Variants in NUP188 observed in about 807,000 individuals in gnomAD.
NUP188 encodes the protein nucleoporin 188.
Under a neutral mutation model 223.0 loss-of-function variants are expected in NUP188, and 97 were observed. That is an observed-to-expected ratio of 0.43 (90% CI 0.37 to 0.51). NUP188 has a LOEUF of 0.51. Ranked by LOEUF, NUP188 falls within the 20% of genes least tolerant of loss-of-function variation. The pLI, the probability that NUP188 is intolerant of heterozygous loss-of-function variation, is 0.00. For missense variants in NUP188, 1,947 were observed against 2,175.6 expected (o/e 0.89, Z 2.09); for synonymous variants, 869 against 828.0 (o/e 1.05, Z -0.85).
intron 37 of NUP188, 132 bp downstream of exon 37, chr9:129,003,107 C>T (rs1480745367): frequency 1.8e-6 from 2 of 1,116,076 alleles, no homozygotes; most frequent in Non-Finnish European, 2.5e-6. Context: ...TTTTGAGATG[C>T]TCTAAGTACT....
At chr9:128,990,333 T>G in intron 25 of NUP188, 107 bp downstream of exon 25, 1 of 892,130 alleles carries the variant, frequency 1.1e-6, no homozygotes, top group Non-Finnish European at 1.9e-6. Flanking sequence ...CGCCTGTATA[T>G]AATTCCAGCA....
At chr9:128,966,131 G>A (rs1335208243) in intron 8 of NUP188, among the ~76,000 whole-genome samples, 1 of 4,884 alleles carries the variant, frequency 2.0e-4, no homozygotes, top group Non-Finnish European at 6.3e-4. Flanking sequence ...CTGCCTCCGT[G>A]TGTGTGTGTG....
rs368442084 is a variant in NUP188 at position 128,990,093 on chromosome 9, T to C, written c.2534-27T>C. 23 of 1,535,596 alleles carry C rather than the reference T, an allele frequency of 1.5e-5. No individual in the cohort carries two copies. In the African/African-American group the frequency reaches 1.8e-4, roughly 12 times the overall value. On this transcript the variant is annotated intron_variant, in intron 24 of 43. Transcript: ENST00000372577. Reference sequence around the variant, plus strand: ...GGACTTGAATTAGGCACACTTGATATCTAAACTGTTTCCTGTGCTGCTTTA... The same window carrying C: ...GGACTTGAATTAGGCACACTTGATACCTAAACTGTTTCCTGTGCTGCTTTA...
Position 128,983,274 on chromosome 9 carries a change from T to C in NUP188, c.1797-19T>C, listed in dbSNP as rs749357265. The C allele has an allele frequency of 1.1e-5, 17 of 1,601,838 alleles. No homozygotes were observed. In the South Asian group the frequency reaches 1.5e-4, roughly 15 times the overall value. ...GTATTATTTGCTTTATTGAGTATAGTGTATTGTTCTCCAACCAGGTTAACG... is the reference window on the plus strand; with the variant it reads ...GTATTATTTGCTTTATTGAGTATAGCGTATTGTTCTCCAACCAGGTTAACG... On this transcript the variant is annotated intron_variant, in intron 17 of 43. Transcript: ENST00000372577.
At position 129,003,464 on chromosome 9, in the gene NUP188, C is replaced by T. The variant is rs1842713244; in HGVS notation, c.4434+10C>T. On this transcript the variant is annotated intron_variant, in intron 38 of 43. Transcript: ENST00000372577. ...CATGCGTGATATCCAGGTGGGGGCCCAAGATGGTGTCTTGGAGTCTGGGGT... is the reference window on the plus strand; with the variant it reads ...CATGCGTGATATCCAGGTGGGGGCCTAAGATGGTGTCTTGGAGTCTGGGGT... The T allele has an allele frequency of 6.2e-7, 1 of 1,607,636 alleles. No individual in the cohort carries two copies. Among genetic ancestry groups the T allele is most frequent in the East Asian group, 2.2e-5 (1 of 44,874 alleles).
chr9:128,983,448 A>G (rs370155139), intron 18 of NUP188, 26 bp from the exon 19 acceptor site: 1 of 1,613,206 alleles, frequency 6.2e-7, no homozygotes, highest in African/African-American at 1.3e-5. Flanking sequence ...ATATGTGGGC[A>G]TTTAACTCTT....
rs1393383886 is a variant in NUP188, at chr9:128,987,086, A to AGTGTGTGTGTGT, written c.2264+212_2264+213insTGTGTGTGTGTG. Among the ~76,000 whole-genome samples the AGTGTGTGTGTGT allele has an allele frequency of 3.1e-5, 4 of 128,498 alleles. No homozygotes were observed. The East Asian group carries it at 6.9e-4, about 22-fold the overall frequency. The allele number at this position is 128,498 out of a possible 152,430, so 84.3% of individuals were successfully genotyped here. A position where few individuals can be genotyped will look rare whatever the true frequency, so the allele number is the denominator to read the frequency against. On this transcript the variant is annotated intron_variant, in intron 22 of 43. Coordinates refer to ENST00000372577, the MANE Select transcript of NUP188 (RefSeq NM_015354.3). ...GAATGAGAGAGAGAGAGAGAGAGAG[A>AGTGTGTGTGTGT]GAGTGTGTGTGTGTGTGTGTGTGTG...
intron 24 of NUP188, 137 bp downstream of exon 24, chr9:128,988,323 C>T (rs1202368408): frequency 1.1e-6 from 1 of 934,138 alleles, no homozygotes; most frequent in Non-Finnish European, 1.6e-6. Flanking sequence ...GGAATGATTA[C>T]CAGCTCCTTT....
chr9:128,975,031 G>A (rs1842156429), intron 12 of NUP188, among the ~76,000 whole-genome samples: 1 of 151,980 alleles, frequency 6.6e-6, no homozygotes, highest in Admixed American at 6.6e-5. Context: ...AGAGTGCTGG[G>A]ATTATAGGTG....
chr9:129,006,422 G>C (rs2131206067), intron 43 of NUP188, 54 bp downstream of exon 43: 2 of 1,612,978 alleles, frequency 1.2e-6, no homozygotes, highest in East Asian at 2.2e-5. Flanking sequence ...GAGCCCTGTG[G>C]GGTCCTGCCT....
At chr9:128,961,693 C>G (rs1588271888) in intron 8 of NUP188, among the ~76,000 whole-genome samples, 1 of 148,396 alleles carries the variant, frequency 6.7e-6, no homozygotes, top group Non-Finnish European at 1.5e-5. Flanking sequence ...GTGATCTTGG[C>G]TCACCACAAC....
intron 8 of NUP188, among the ~76,000 whole-genome samples, chr9:128,962,925 A>T (rs1841975860): frequency 6.6e-6 from 1 of 152,222 alleles, no homozygotes; most frequent in East Asian, 1.9e-4. Context: ...ATTTTTAAGT[A>T]ACTGTGACTA....
At position 128,998,651 on chromosome 9, in the gene NUP188, C is replaced by T. The variant is rs945087878; in HGVS notation, c.3515+28C>T. The T allele has an allele frequency of 8.9e-6, 14 of 1,576,228 alleles. No individual in the cohort carries two copies. The East Asian group carries it at 1.6e-4, about 18-fold the overall frequency. ...GAGGCTGTGCCAGGAGAGGCAAGCC[C>T]GAGGCCAGAGCCTTCTTGTCAGTGC... is the stretch of plus-strand genomic sequence containing the variant. On this transcript the variant is annotated intron_variant, in intron 32 of 43. Transcript: ENST00000372577.
chr9:128,952,814 G>T lies in NUP188; in HGVS notation c.129G>T (p.Leu43Phe), dbSNP rs1316217831. The T allele has an allele frequency of 6.2e-7, 1 of 1,613,782 alleles. No individual in the cohort carries two copies. The highest frequency in any genetic ancestry group is 1.7e-5 in the Admixed American group (1 of 59,992). The change falls in exon 3 of 44, where the codon TTG (leucine) becomes TTT (phenylalanine). Residue 43 changes from leucine to phenylalanine, a missense_variant. Coordinates refer to ENST00000372577, the MANE Select transcript of NUP188 (RefSeq NM_015354.3). ...EAELNKHWRRLLEGLSYYKPP... is the reference protein window; with the variant it reads ...EAELNKHWRRFLEGLSYYKPP... Reference sequence around the variant, plus strand: ...AACTGAATAAACATTGGCGGCGATTGTTAGAGGGGCTTTCTTACTACAAAC... The same window carrying T: ...AACTGAATAAACATTGGCGGCGATTTTTAGAGGGGCTTTCTTACTACAAAC...
chr9:128,984,344 T>C (rs1280193676), intron 19 of NUP188, among the ~76,000 whole-genome samples: 1 of 152,018 alleles, frequency 6.6e-6, no homozygotes, highest in East Asian at 1.9e-4. Flanking sequence ...CAGGCTGGTC[T>C]CGAACTCCTG....
At chr9:128,995,760 G>A (rs1222538977) in intron 30 of NUP188, among the ~76,000 whole-genome samples, 1 of 152,174 alleles carries the variant, frequency 6.6e-6, no homozygotes. Context: ...AAAGCCTCCT[G>A]TACCTCCCTT....
At chr9:128,987,949 C>A in intron 23 of NUP188, 98 bp from the exon 24 acceptor site, 1 of 1,409,382 alleles carries the variant, frequency 7.1e-7, no homozygotes, top group Non-Finnish European at 9.8e-7. Flanking sequence ...AGCTGTTGAA[C>A]TCTGGGATTA....
chr9:128,968,274 A>T (rs1365118824), intron 8 of NUP188, among the ~76,000 whole-genome samples: 1 of 136,576 alleles, frequency 7.3e-6, no homozygotes, highest in Non-Finnish European at 1.5e-5. Flanking sequence ...TCTGTCTCTT[A>T]AAAAAAAAAA....
chr9:128,980,815 C>G, intron 14 of NUP188, 90 bp downstream of exon 14: 3 of 1,348,432 alleles, frequency 2.2e-6, no homozygotes, highest in Non-Finnish European at 3.1e-6. Context: ...CATTGCAGTT[C>G]TACTGCCATG....
Sources: gnomAD v4.1 joint callset for allele counts (sites outside exome capture counted in the v4.1 genomes callset) on GRCh38, gnomAD v4.1.1 for gene constraint, MANE v1.5 for transcripts, NCBI Gene and HGNC (gene_info 2026-07-23, HGNC 2026-07-21) for gene names.